PTPRA: variants seen among roughly 807,000 people sequenced by gnomAD.
The protein encoded by PTPRA is receptor-type tyrosine-protein phosphatase alpha.
PTPRA carries 25 observed loss-of-function variants against 104.8 expected under a neutral mutation model. That is an observed-to-expected ratio of 0.24 (90% confidence interval 0.17 to 0.33). The LOEUF (loss-of-function observed/expected upper bound fraction) is 0.33. PTPRA is among the 10% of genes least tolerant of loss of function. The probability of loss-of-function intolerance (pLI) is 1.00; values close to 1 mark genes in which losing one functional copy is unlikely to be tolerated. For synonymous variants in PTPRA, 323 were observed against 368.9 expected (o/e 0.88, Z 1.43); for missense variants, 765 against 1,015.3 (o/e 0.75, Z 3.35).
intron 3 of PTPRA, among the ~76,000 whole-genome samples, chr20:2,949,798 C>T (rs1308550285): frequency 6.6e-6 from 1 of 151,178 alleles, no homozygotes; most frequent in Non-Finnish European, 1.5e-5. Context: ...TTTTTAAAAT[C>T]TTGAATTCAT....
chr20:2,893,523 A>G (rs2058878689), intron 1 of PTPRA, among the ~76,000 whole-genome samples: 1 of 152,204 alleles, frequency 6.6e-6, no homozygotes, highest in Admixed American at 6.6e-5. Flanking sequence ...ATGTAGCTAT[A>G]TGATACATCA....
At position 3,038,268 on chromosome 20, in the gene PTPRA, T is replaced by G. The variant is rs2065899704; in HGVS notation, c.*135T>G. ...TGGTACATAGGCTTCTATTACCTAT[T>G]AGGTGGAAATTTTATATGTAAATGT... On this transcript the variant is annotated 3_prime_UTR_variant, in exon 24 of 24. Coordinates refer to ENST00000399903, the MANE Select transcript of PTPRA (RefSeq NM_001385305.1). 1 of 767,042 alleles carries G rather than the reference T, an allele frequency of 1.3e-6. No homozygotes were observed. The highest frequency in any genetic ancestry group is 1.8e-5 in the South Asian group (1 of 54,136). 47.5% of individuals were successfully genotyped at this position (767,042 alleles called of 1,614,324 possible). A position where few individuals can be genotyped will look rare whatever the true frequency, so the allele number is the denominator to read the frequency against.
intron 1 of PTPRA, among the ~76,000 whole-genome samples, chr20:2,877,271 G>GT (rs2089780455): frequency 6.6e-6 from 1 of 152,012 alleles, no homozygotes; most frequent in African/African-American, 2.4e-5. Flanking sequence ...TTGTTTGTTT[G>GT]TTTTTTGAGA....
At chr20:2,935,750 C>T (rs2060675561) in intron 2 of PTPRA, among the ~76,000 whole-genome samples, 1 of 152,142 alleles carries the variant, frequency 6.6e-6, no homozygotes, top group South Asian at 2.1e-4. Context: ...TGTGGTGGCT[C>T]ACGCCTGTAA....
At chr20:2,905,477 C>G (rs2059390789) in intron 1 of PTPRA, among the ~76,000 whole-genome samples, 1 of 151,654 alleles carries the variant, frequency 6.6e-6, no homozygotes, top group South Asian at 2.1e-4. Flanking sequence ...TCTGCTTATG[C>G]CAGTTACATT....
In PTPRA at chr20:3,027,713, C is replaced by T. The variant is rs370209533; in HGVS notation, c.1792C>T (p.Arg598Trp). 7 of 1,613,704 alleles carry T rather than the reference C, an allele frequency of 4.3e-6. No homozygotes were observed. The highest frequency in any genetic ancestry group is 2.7e-5 in the African/African-American group (2 of 74,882). ...ATTAACCTGGCCTGTGCAGGGCTACCGGCAGAAGGACTCCTATATCGCCAG... is the reference window on the plus strand; with the variant it reads ...ATTAACCTGGCCTGTGCAGGGCTACTGGCAGAAGGACTCCTATATCGCCAG... ...YVNASFIDGYRQKDSYIASQG... is the reference protein window; with the variant it reads ...YVNASFIDGYWQKDSYIASQG... Residue 598 changes from arginine (R) to tryptophan (W), a missense_variant, in exon 20 of 24, where the codon CGG (arginine) becomes TGG (tryptophan). Around this residue, in one of 4 missense-constraint regions of PTPRA, gnomAD observed 192 missense variants for 227.0 expected, o/e 0.85. Coordinates refer to ENST00000399903, the MANE Select transcript of PTPRA (RefSeq NM_001385305.1).
chr20:2,945,442 T>C (rs1335354568), intron 2 of PTPRA, among the ~76,000 whole-genome samples: 1 of 152,188 alleles, frequency 6.6e-6, no homozygotes, highest in African/African-American at 2.4e-5. Flanking sequence ...CTGTAGTCCC[T>C]ACAGGGGTGG....
chr20:2,912,485 A>G (rs1771124877), intron 1 of PTPRA, among the ~76,000 whole-genome samples: 1 of 152,086 alleles, frequency 6.6e-6, no homozygotes, highest in Admixed American at 6.6e-5. Context: ...TTAGCTGGGC[A>G]TGGTGGCTCA....
At position 2,975,220 on chromosome 20, in the gene PTPRA, T is replaced by G; in HGVS notation, c.421T>G (p.Ser141Ala). 6.3e-7 allele frequency: 1 copy of G among 1,595,432 alleles called. No homozygotes were observed. The highest frequency in any genetic ancestry group is 8.6e-7 in the Non-Finnish European group (1 of 1,164,618). ...ATTTTTTACTTATTACACAGGTAAT[T>G]CTGACTCGAAGGACAGAAGAGGTGA... is the stretch of plus-strand genomic sequence containing the variant. ...TPETFPPSGN[S>A]DSKDRRDETP... Residue 141 changes from serine to alanine, a missense_variant, in exon 6 of 24, where the codon TCT becomes GCT. By Grantham distance (99) the Ser-to-Ala change is moderately conservative. Coordinates refer to ENST00000399903, the MANE Select transcript of PTPRA (RefSeq NM_001385305.1).
rs1307122592 is a variant in PTPRA, at chr20:3,037,721, C to T, written c.2335-338C>T. 2.6e-5 allele frequency among the ~76,000 whole-genome samples: 4 copies of T among 152,154 alleles called. No homozygotes were observed. Among genetic ancestry groups the T allele is most frequent in the Non-Finnish European group, 4.4e-5 (3 of 68,016 alleles). On this transcript the variant is annotated intron_variant, in intron 23 of 23. Coordinates refer to ENST00000399903, the MANE Select transcript of PTPRA (RefSeq NM_001385305.1). The surrounding 1 kb of genome is among the most constrained non-coding windows in gnomAD (Gnocchi z 4.3). ...AGTGAATGTTAGGAGGTTTGGGAGA[C>T]GAGGTTCTGAGAGCCAGGGTGCATG...
chr20:2,995,249 CT>C (rs892867307), intron 9 of PTPRA, among the ~76,000 whole-genome samples: 147 of 152,222 alleles, frequency 9.7e-4, no homozygotes, highest in African/African-American at 3.3e-3. Flanking sequence ...CAGTGAATTC[CT>C]GTAGTTTCTT....
intron 6 of PTPRA, among the ~76,000 whole-genome samples, chr20:2,982,038 T>C (rs913316408): frequency 6.6e-6 from 1 of 152,128 alleles, no homozygotes; most frequent in Non-Finnish European, 1.5e-5. Flanking sequence ...AGTAAATTCA[T>C]GGATTTAGCC....
chr20:2,948,124 A>G (rs2061206398), intron 3 of PTPRA, 100 bp downstream of exon 3: 14 of 505,986 alleles, frequency 2.8e-5, no homozygotes, highest in South Asian at 2.3e-4. Context: ...CTTATGGCAT[A>G]ATCTGGGGTG....
Position 3,022,648 on chromosome 20 carries a change from C to T in PTPRA, c.1329-41C>T, listed in dbSNP as rs537923086. 1 of 1,611,294 alleles carries T rather than the reference C, an allele frequency of 6.2e-7. No homozygotes were observed. Among genetic ancestry groups the T allele is most frequent in the Non-Finnish European group, 8.5e-7 (1 of 1,178,056 alleles). ...CCCCTCCCTATCTGCTCCCACAAGG[C>T]AGGCTGGCCATCCCTATAACCCCCT... On this transcript the variant is annotated intron_variant, in intron 15 of 23. Coordinates refer to ENST00000399903, the MANE Select transcript of PTPRA (RefSeq NM_001385305.1). This position sits in a 1 kb window ranked among gnomAD's most constrained non-coding sequence, Gnocchi z 4.6.
At chr20:2,865,562 G>T in the PTPRA span, 1 of 1,464,344 alleles carries the variant, frequency 6.8e-7, no homozygotes, top group South Asian at 1.3e-5. This position sits in a 1 kb window ranked among gnomAD's most constrained non-coding sequence, Gnocchi z 5.2. Flanking sequence ...GGGCTAGGCA[G>T]GGAGACAGAT....
intron 1 of PTPRA, among the ~76,000 whole-genome samples, chr20:2,899,210 C>T (rs1271416339): frequency 6.6e-6 from 1 of 152,010 alleles, no homozygotes; most frequent in African/African-American, 2.4e-5. Context: ...GTGACACGCA[C>T]CTATAGTCCT....
At chr20:2,918,964 A>G (rs966729780) in intron 1 of PTPRA, among the ~76,000 whole-genome samples, 3 of 152,184 alleles carry the variant, frequency 2.0e-5, no homozygotes, top group African/African-American at 7.2e-5. Context: ...GCTGTTTTGA[A>G]GGTAACCTTA....
chr20:2,872,967 A>C (rs2089466245), upstream of PTPRA, among the ~76,000 whole-genome samples: 1 of 152,170 alleles, frequency 6.6e-6, no homozygotes, highest in Admixed American at 6.5e-5. The surrounding 1 kb of genome is among the most constrained non-coding windows in gnomAD (Gnocchi z 7.9). Flanking sequence ...ACTTGATATA[A>C]GACGACACCC....
intron 20 of PTPRA, among the ~76,000 whole-genome samples, chr20:3,029,540 C>CTT (rs71195813): frequency 1.2e-4 from 9 of 78,084 alleles, no homozygotes; most frequent in Admixed American, 8.9e-4. Flanking sequence ...TCTTCATCAT[C>CTT]TTTTTTTTTT....
Sources: allele counts gnomAD v4.1 joint callset (sites outside exome capture counted in the v4.1 genomes callset), GRCh38; gene constraint gnomAD v4.1.1; regional missense constraint gnomAD v4.1.1; non-coding constraint Gnocchi (gnomAD v3.1); transcripts MANE v1.5; gene names NCBI Gene and HGNC (gene_info 2026-07-23, HGNC 2026-07-21).